The following EPS15 variants were observed in gnomAD, a reference collection of about 807,000 sequenced individuals.
EPS15 encodes epidermal growth factor receptor substrate 15.
EPS15 carries 72 observed loss-of-function variants against 113.8 expected under a neutral mutation model. The observed-to-expected ratio is 0.63, with a 90% CI of 0.52 to 0.77. EPS15 has a LOEUF of 0.77. Ranked by LOEUF, EPS15 falls within the 30% of genes least tolerant of loss-of-function variation. The probability of loss-of-function intolerance (pLI) is 0.00; values close to 1 mark genes in which losing one functional copy is unlikely to be tolerated. For missense variants in EPS15, 1,048 were observed against 1,045.8 expected, an observed-to-expected ratio of 1.00 and a Z score of -0.03; for synonymous variants, 344 against 363.4, an observed-to-expected ratio of 0.95 and a Z score of 0.61.
chr1:51,458,775 C>A, intron 8 of EPS15: 1 of 251,642 alleles, frequency 4.0e-6, no homozygotes, highest in Non-Finnish European at 8.1e-6. Flanking sequence ...AAAAAAATCC[C>A]TCATTACATC....
chr1:51,426,847 A>C (rs1297061551), intron 12 of EPS15, among the ~76,000 whole-genome samples: 26 of 146,398 alleles, frequency 1.8e-4, no homozygotes, highest in Non-Finnish European at 3.3e-4. Flanking sequence ...CTATATATAT[A>C]TATATACACA....
chr1:51,390,313 T>C lies in EPS15; in HGVS notation c.2119+4068A>G, dbSNP rs1570171095. Among the ~76,000 whole-genome samples, 4 of 152,032 alleles carry C rather than the reference T, an allele frequency of 2.6e-5. No homozygotes were observed. The East Asian group carries it at 7.7e-4, about 29-fold the overall frequency. On this transcript the variant is annotated intron_variant, in intron 21 of 24. Coordinates refer to ENST00000371733, the MANE Select transcript of EPS15 (RefSeq NM_001981.3). ...TCCTTACACCTTATACAAAAATTAA[T>C]TCAAGATGGATTAAAGACTTAAACG...
chr1:51,452,343 C>T (rs892990296), intron 8 of EPS15, among the ~76,000 whole-genome samples: 10 of 152,186 alleles, frequency 6.6e-5, no homozygotes, highest in African/African-American at 2.2e-4. Flanking sequence ...AATGCAGTGG[C>T]GAGAACACAG....
At chr1:51,454,768 A>G (rs556720231) in intron 8 of EPS15, among the ~76,000 whole-genome samples, 2 of 152,304 alleles carry the variant, frequency 1.3e-5, no homozygotes, top group African/African-American at 4.8e-5. Flanking sequence ...AAACCCAAAT[A>G]AAGTCTGGAG....
Position 51,489,245 on chromosome 1 carries a change from T to G in EPS15, c.34-7931A>C, listed in dbSNP as rs528979542. ...TATAGAAATGTAAATATAATAAACT[T>G]TACTAAGAAAAAAATTTTTACAAAG... On this transcript the variant is annotated intron_variant, in intron 1 of 24. Transcript: ENST00000371733. Among the ~76,000 whole-genome samples, 10 of 150,258 alleles carry G rather than the reference T, an allele frequency of 6.7e-5. No individual in the cohort carries two copies. The South Asian group carries it at 1.2e-3, about 19-fold the overall frequency.
intron 12 of EPS15, among the ~76,000 whole-genome samples, chr1:51,432,298 TTATGTATGTATGTATG>T (rs71063032): frequency 0.012 from 1,785 of 145,988 alleles, 28 homozygotes; most frequent in African/African-American, 0.042. Flanking sequence ...GCCACATAGA[TTATGTATGTATGTATG>T]TATGTATGTA....
At chr1:51,359,314 C>T (rs1455411215) in intron 24 of EPS15, among the ~76,000 whole-genome samples, 2 of 151,204 alleles carry the variant, frequency 1.3e-5, no homozygotes, top group Admixed American at 6.6e-5. Context: ...TGTGGTGGTG[C>T]GTGCCTGTAG....
chr1:51,378,384 C>G (rs935687020), intron 21 of EPS15, among the ~76,000 whole-genome samples: 3 of 152,038 alleles, frequency 2.0e-5, no homozygotes, highest in Non-Finnish European at 4.4e-5. Flanking sequence ...GGGCCAGGTG[C>G]AGCGGCTCAC....
At chr1:51,391,371 G>A (rs1177111971) in intron 21 of EPS15, among the ~76,000 whole-genome samples, 1 of 151,792 alleles carries the variant, frequency 6.6e-6, no homozygotes, top group Non-Finnish European at 1.5e-5. Context: ...GCTAAATGAC[G>A]AGTTAATGGG....
intron 1 of EPS15, among the ~76,000 whole-genome samples, chr1:51,499,721 T>TA (rs1247983564): frequency 1.3e-5 from 2 of 152,080 alleles, no homozygotes; most frequent in Non-Finnish European, 2.9e-5. Flanking sequence ...CTTGTGAACT[T>TA]ACTGGCAATT....
chr1:51,430,290 C>T (rs1195434428), intron 12 of EPS15, among the ~76,000 whole-genome samples: 1 of 151,880 alleles, frequency 6.6e-6, no homozygotes, highest in African/African-American at 2.4e-5. Context: ...AGTTCATGGC[C>T]GGGTGCAGTG....
intron 22 of EPS15, 61 bp from the exon 23 acceptor site, chr1:51,364,089 G>A: frequency 7.9e-7 from 1 of 1,260,466 alleles, no homozygotes; most frequent in Non-Finnish European, 1.1e-6. Context: ...TAGTCATGTA[G>A]CATTCAGAAT....
At chr1:51,360,908 A>G (rs1174818169) in intron 24 of EPS15, among the ~76,000 whole-genome samples, 1 of 152,184 alleles carries the variant, frequency 6.6e-6, no homozygotes. Context: ...TTTTACTTAC[A>G]TTACCAAGAC....
chr1:51,424,869 C>T (rs967846262), intron 12 of EPS15, among the ~76,000 whole-genome samples: 4 of 152,002 alleles, frequency 2.6e-5, no homozygotes, highest in Non-Finnish European at 5.9e-5. Flanking sequence ...GGCCACTGCA[C>T]TCCAGCCTGG....
chr1:51,421,883 G>C, intron 12 of EPS15, 25 bp from the exon 13 acceptor site: 1 of 1,610,342 alleles, frequency 6.2e-7, no homozygotes, highest in South Asian at 1.1e-5. Context: ...AACAATGCAA[G>C]AATATTTTAG....
intron 1 of EPS15, among the ~76,000 whole-genome samples, chr1:51,515,481 CA>C (rs111828890): frequency 0.015 from 1,747 of 115,242 alleles, 17 homozygotes; most frequent in African/African-American, 0.035. Context: ...CAAAACAAAA[CA>C]AAAAAAAAAA....
chr1:51,405,394 T>G (rs1172122982), intron 16 of EPS15, among the ~76,000 whole-genome samples: 1 of 152,076 alleles, frequency 6.6e-6, no homozygotes, highest in African/African-American at 2.4e-5. Context: ...AAAAACAGGC[T>G]CTACAAAAAA....
At chr1:51,503,721 G>T (rs28854568) in intron 1 of EPS15, among the ~76,000 whole-genome samples, 2,843 of 152,220 alleles carry the variant, frequency 0.019, 89 homozygotes, top group African/African-American at 0.066. Flanking sequence ...CAATACTCAA[G>T]ACAGTGTTGT....
intron 1 of EPS15, among the ~76,000 whole-genome samples, chr1:51,502,792 G>A (rs547486918): frequency 6.6e-6 from 1 of 152,196 alleles, no homozygotes; most frequent in South Asian, 2.1e-4. Context: ...ATCACCTGAG[G>A]TCAGGAGTCC....
Sources: allele counts gnomAD v4.1 joint callset (sites outside exome capture counted in the v4.1 genomes callset), GRCh38; gene constraint gnomAD v4.1.1; transcripts MANE v1.5; gene names NCBI Gene and HGNC (gene_info 2026-07-23, HGNC 2026-07-21).